The following GLRA2 variants were observed in gnomAD, a reference collection of about 807,000 sequenced individuals.
The protein encoded by GLRA2 is glycine receptor subunit alpha-2.
Under a neutral mutation model 31.6 loss-of-function variants are expected in GLRA2, and 11 were observed. The observed-to-expected ratio is 0.35, with a 90% CI of 0.22 to 0.58. GLRA2 has a LOEUF of 0.58. GLRA2 is among the 20% of genes least tolerant of loss of function. The probability of loss-of-function intolerance (pLI) is 0.84; values close to 1 mark genes in which losing one functional copy is unlikely to be tolerated. For synonymous variants in GLRA2, 132 were observed against 134.0 expected, an observed-to-expected ratio of 0.99 and a Z score of 0.10; for missense variants, 212 against 351.8, an observed-to-expected ratio of 0.60 and a Z score of 3.18.
intron 7 of GLRA2, among the ~76,000 whole-genome samples, chrX:14,656,485 A>T (rs1250683212): frequency 2.7e-5 from 3 of 111,643 alleles, no homozygotes; most frequent in African/African-American, 6.5e-5. Flanking sequence ...TGACATGTTC[A>T]TGGTTGATGG....
At chrX:14,493,563 A>G in the GLRA2 span, among the ~76,000 whole-genome samples, 27 of 104,652 alleles carry the variant, frequency 2.6e-4, no homozygotes, top group African/African-American at 7.2e-4. Flanking sequence ...ATATATACAC[A>G]TATATACATA....
intron 7 of GLRA2, among the ~76,000 whole-genome samples, chrX:14,634,185 G>C (rs1275955274): frequency 1.8e-5 from 2 of 111,614 alleles, no homozygotes; most frequent in Non-Finnish European, 3.8e-5. Flanking sequence ...CTGACCTCAA[G>C]TGATCCACCT....
At chrX:14,569,443 T>C (rs73452665) in intron 2 of GLRA2, among the ~76,000 whole-genome samples, 1,906 of 111,212 alleles carry the variant, frequency 0.017, 49 homozygotes, top group African/African-American at 0.059. Context: ...AATTCAAAAA[T>C]GGGTAAAGGG....
chrX:14,650,973 G>C (rs1233936789), intron 7 of GLRA2, among the ~76,000 whole-genome samples: 2 of 111,974 alleles, frequency 1.8e-5, no homozygotes, highest in East Asian at 5.6e-4. Flanking sequence ...TGCTGAAAAT[G>C]TGTTCTTGTT....
At position 14,530,054 on chromosome X, in the gene GLRA2, A is replaced by G. The variant is rs774420943; in HGVS notation, c.-4A>G. 2 of 1,188,991 alleles carry G rather than the reference A, an allele frequency of 1.7e-6. No homozygotes were observed. Among genetic ancestry groups the G allele is most frequent in the Non-Finnish European group, 2.3e-6 (2 of 874,460 alleles). On this transcript the variant is annotated 5_prime_UTR_variant, in exon 1 of 9. Coordinates refer to ENST00000218075, the MANE Select transcript of GLRA2 (RefSeq NM_002063.4). ...TATTTTCCACAAGCAACACAGAAAC[A>G]GGAATGAACCGGCAGCTAGTGAACA...
At chrX:14,665,676 G>C (rs2091031990) in intron 7 of GLRA2, among the ~76,000 whole-genome samples, 1 of 111,955 alleles carries the variant, frequency 8.9e-6, no homozygotes, top group South Asian at 3.7e-4. Context: ...CAAAGACAAA[G>C]AATGGAGAAA....
chrX:14,533,586 G>A (rs538734009), intron 2 of GLRA2, among the ~76,000 whole-genome samples: 4 of 109,773 alleles, frequency 3.6e-5, no homozygotes, highest in East Asian at 2.9e-4. Flanking sequence ...TGCTTTGGAA[G>A]TCAATATTTG....
chrX:14,693,537 T>G (rs1409547558), intron 8 of GLRA2, among the ~76,000 whole-genome samples: 1 of 111,819 alleles, frequency 8.9e-6, no homozygotes, highest in Non-Finnish European at 1.9e-5. Context: ...AATTGTAATA[T>G]ACCTCTCAGC....
intron 7 of GLRA2, among the ~76,000 whole-genome samples, chrX:14,644,893 T>C (rs778093245): frequency 6.2e-5 from 7 of 112,207 alleles, no homozygotes; most frequent in African/African-American, 2.3e-4. Context: ...ATTTCTTTCC[T>C]ACTTGCTTAT....
chrX:14,469,759 T>C, the GLRA2 span, among the ~76,000 whole-genome samples: 1 of 104,696 alleles, frequency 9.6e-6, no homozygotes, highest in African/African-American at 3.5e-5. Flanking sequence ...GACGAGTTAA[T>C]GGGTGCAGCA....
rs370269883 is a variant in GLRA2 at position 14,690,745 on chromosome X, G to C, written c.966G>C (p.Ala322=). The C allele has an allele frequency of 8.3e-7, 1 of 1,204,991 alleles. No homozygotes were observed. Among genetic ancestry groups the C allele is most frequent in the African/African-American group, 1.7e-5 (1 of 57,241 alleles). ...TAAAAGCGATTGACATCTGGATGGC[G>C]GTGTGCCTTCTGTTTGTGTTTGCTG... The part of the protein sequence containing the change: ...SYVKAIDIWM[A]VCLLFVFAAL... Residue 322 remains alanine, a synonymous_variant, in exon 8 of 9, where the codon GCG becomes GCC. Coordinates refer to ENST00000218075, the MANE Select transcript of GLRA2 (RefSeq NM_002063.4).
At chrX:14,717,582 GTTTAT>G (rs1237824189) in intron 8 of GLRA2, among the ~76,000 whole-genome samples, 3 of 110,900 alleles carry the variant, frequency 2.7e-5, no homozygotes, top group Non-Finnish European at 3.8e-5. Flanking sequence ...TCTTTCTTAA[GTTTAT>G]TTTGTCATAG....
At chrX:14,486,910 A>G in the GLRA2 span, among the ~76,000 whole-genome samples, 1 of 111,504 alleles carries the variant, frequency 9.0e-6, no homozygotes. Context: ...ATACACAGCA[A>G]AATAAAAGAA....
intron 7 of GLRA2, among the ~76,000 whole-genome samples, chrX:14,642,743 G>A (rs975106179): frequency 2.2e-4 from 24 of 110,210 alleles, no homozygotes; most frequent in Non-Finnish European, 4.4e-4. Context: ...GGAATTATTT[G>A]GCTCAAGGGA....
At chrX:14,455,678 T>C in the GLRA2 span, among the ~76,000 whole-genome samples, 8 of 111,960 alleles carry the variant, frequency 7.1e-5, no homozygotes, top group Non-Finnish European at 1.3e-4. Flanking sequence ...CTGATAAATA[T>C]ATTTACTCAA....
intron 8 of GLRA2, among the ~76,000 whole-genome samples, chrX:14,717,741 A>T (rs1277031325): frequency 3.3e-5 from 2 of 59,860 alleles, no homozygotes; most frequent in Non-Finnish European, 7.4e-5. Context: ...TCTGTAAAGT[A>T]AAAAAAAAAA....
At chrX:14,469,124 A>G in the GLRA2 span, among the ~76,000 whole-genome samples, 11 of 110,691 alleles carry the variant, frequency 9.9e-5, no homozygotes, top group Admixed American at 1.1e-3. Context: ...TTGCCTGTTC[A>G]CTCTGATGGT....
At chrX:14,566,666 G>T (rs2089811354) in intron 2 of GLRA2, among the ~76,000 whole-genome samples, 1 of 111,592 alleles carries the variant, frequency 9.0e-6, no homozygotes, top group Admixed American at 9.4e-5. Flanking sequence ...GTAAAACTTA[G>T]AGGCATCTCT....
intron 7 of GLRA2, among the ~76,000 whole-genome samples, chrX:14,626,321 G>T (rs1245460473): frequency 8.9e-6 from 1 of 112,096 alleles, no homozygotes; most frequent in African/African-American, 3.2e-5. Flanking sequence ...ATAGGCGGTA[G>T]CCCTTATTTG....
Sources: gnomAD v4.1 joint callset for allele counts (sites outside exome capture counted in the v4.1 genomes callset) on GRCh38, gnomAD v4.1.1 for gene constraint, MANE v1.5 for transcripts, NCBI Gene and HGNC (gene_info 2026-07-23, HGNC 2026-07-21) for gene names.